Variants in TNR observed in about 807,000 individuals in gnomAD.
TNR encodes tenascin-R.
In TNR, 45 loss-of-function variants were observed where a neutral mutation model predicts 150.4. That is an observed-to-expected ratio of 0.30 (90% CI 0.24 to 0.38). The LOEUF is 0.38. Ranked by LOEUF, TNR falls within the 10% of genes least tolerant of loss-of-function variation. The pLI is 1.00. For synonymous variants in TNR, 687 were observed against 678.4 expected, an observed-to-expected ratio of 1.01 and a Z score of -0.20; for missense variants, 1,544 against 1,759.1, an observed-to-expected ratio of 0.88 and a Z score of 2.19.
At chr1:175,468,223 G>T (rs1657118574) in intron 2 of TNR, among the ~76,000 whole-genome samples, 1 of 152,194 alleles carries the variant, frequency 6.6e-6, no homozygotes, top group South Asian at 2.1e-4. Flanking sequence ...AAGGGCATGG[G>T]ATGGAGTGTA....
chr1:175,370,008 T>G (rs1167503691), intron 9 of TNR, among the ~76,000 whole-genome samples: 2 of 152,208 alleles, frequency 1.3e-5, no homozygotes, highest in Non-Finnish European at 2.9e-5. Flanking sequence ...CTTTTTTCTC[T>G]TCTTAAACCA....
At chr1:175,434,477 CT>C (rs1655410234) in intron 2 of TNR, among the ~76,000 whole-genome samples, 1 of 152,184 alleles carries the variant, frequency 6.6e-6, no homozygotes, top group African/African-American at 2.4e-5. Flanking sequence ...GCCTGTAACA[CT>C]GTGACCTTCC....
intron 9 of TNR, among the ~76,000 whole-genome samples, chr1:175,374,406 T>A (rs1652272370): frequency 6.6e-6 from 1 of 152,054 alleles, no homozygotes; most frequent in South Asian, 2.1e-4. Context: ...AAGTGTAGTG[T>A]GTACGTATGA....
chr1:175,706,280 G>A (rs1161562545), intron 1 of TNR, among the ~76,000 whole-genome samples: 1 of 151,988 alleles, frequency 6.6e-6, no homozygotes, highest in Non-Finnish European at 1.5e-5. Flanking sequence ...GTCAAGCCTG[G>A]GTGCAAAGGA....
intron 2 of TNR, among the ~76,000 whole-genome samples, chr1:175,414,670 C>A (rs1654356168): frequency 6.6e-6 from 1 of 152,130 alleles, no homozygotes; most frequent in Non-Finnish European, 1.5e-5. Flanking sequence ...GGTGCTCACT[C>A]CCCTCTAGGG....
At chr1:175,427,682 C>CTTCCTTCA (rs1263306366) in intron 2 of TNR, among the ~76,000 whole-genome samples, 15 of 136,784 alleles carry the variant, frequency 1.1e-4, no homozygotes, top group Non-Finnish European at 2.0e-4. Flanking sequence ...TCCTTCCTTC[C>CTTCCTTCA]TTCCTTCCTT....
chr1:175,690,250 A>G (rs1160983013), intron 1 of TNR, among the ~76,000 whole-genome samples: 1 of 152,228 alleles, frequency 6.6e-6, no homozygotes, highest in Non-Finnish European at 1.5e-5. Flanking sequence ...ATAGGCTCTG[A>G]AGTACTGAAG....
At position 175,331,095 on chromosome 1, in the gene TNR, T is replaced by TTCTTTCTTTCTC. The variant is rs1557868199; in HGVS notation, c.3632-861_3632-860insGAGAAAGAAAGA. Reference sequence around the variant, plus strand: ...TTTCTTTCCTTCTTTCTTTCTTTCTTTCTTTCTCTCTCTCTTTCTTTTCTT... The same window carrying TTCTTTCTTTCTC: ...TTTCTTTCCTTCTTTCTTTCTTTCTTTCTTTCTTTCTCTCTTTCTCTCTCTCTTTCTTTTCTT... On this transcript the variant is annotated intron_variant, in intron 20 of 22. Coordinates refer to ENST00000367674, the MANE Select transcript of TNR (RefSeq NM_003285.3). Among the ~76,000 whole-genome samples, 27 of 132,124 alleles carry TTCTTTCTTTCTC rather than the reference T, an allele frequency of 2.0e-4. 2 individuals carry two copies. Among genetic ancestry groups the TTCTTTCTTTCTC allele is most frequent in the South Asian group, 4.6e-4 (2 of 4,318 alleles). 86.7% of individuals were successfully genotyped at this position (132,124 alleles called of 152,430 possible).
At chr1:175,654,856 C>CT (rs1418404773) in intron 1 of TNR, among the ~76,000 whole-genome samples, 1 of 151,288 alleles carries the variant, frequency 6.6e-6, no homozygotes, top group Admixed American at 6.6e-5. Flanking sequence ...GTAGCTGGGA[C>CT]TACAGGCACC....
chr1:175,479,140 A>G (rs1657671096), intron 2 of TNR, among the ~76,000 whole-genome samples: 1 of 152,340 alleles, frequency 6.6e-6, no homozygotes, highest in Non-Finnish European at 1.5e-5. Context: ...GATTCAAACC[A>G]TGGGAAATTT....
intron 1 of TNR, among the ~76,000 whole-genome samples, chr1:175,576,761 T>C (rs1662128438): frequency 6.6e-6 from 1 of 152,234 alleles, no homozygotes; most frequent in Admixed American, 6.5e-5. Flanking sequence ...TACTTCATTT[T>C]TGAGACACTA....
At chr1:175,682,307 T>C (rs1448148674) in intron 1 of TNR, among the ~76,000 whole-genome samples, 1 of 152,178 alleles carries the variant, frequency 6.6e-6, no homozygotes, top group African/African-American at 2.4e-5. Flanking sequence ...CTTACATGCA[T>C]AAGCTCCTAA....
At chr1:175,700,806 A>G (rs1666670660) in intron 1 of TNR, among the ~76,000 whole-genome samples, 1 of 152,100 alleles carries the variant, frequency 6.6e-6, no homozygotes, top group East Asian at 1.9e-4. Context: ...TCTTCCATCC[A>G]TTTGGCATTC....
At chr1:175,445,146 T>G (rs1405831085) in intron 2 of TNR, among the ~76,000 whole-genome samples, 1 of 152,124 alleles carries the variant, frequency 6.6e-6, no homozygotes, top group Non-Finnish European at 1.5e-5. Context: ...GGCAGGCACC[T>G]GTAGTCCCAG....
intron 1 of TNR, among the ~76,000 whole-genome samples, chr1:175,730,357 C>T (rs1240816345): frequency 6.6e-6 from 1 of 152,192 alleles, no homozygotes; most frequent in East Asian, 1.9e-4. Flanking sequence ...CTTGACTCCA[C>T]TCCTACCTGA....
intron 1 of TNR, among the ~76,000 whole-genome samples, chr1:175,574,273 C>T (rs1329880136): frequency 6.6e-6 from 1 of 152,206 alleles, no homozygotes; most frequent in East Asian, 1.9e-4. Flanking sequence ...TCTCCTTTCT[C>T]CCCACCCTGG....
intron 1 of TNR, among the ~76,000 whole-genome samples, chr1:175,731,644 C>T (rs1308851726): frequency 1.3e-5 from 2 of 152,144 alleles, no homozygotes; most frequent in Admixed American, 6.5e-5. Flanking sequence ...GGAGGCACGG[C>T]GGGCAGAGCC....
chr1:175,711,590 G>T (rs926190506), intron 1 of TNR, among the ~76,000 whole-genome samples: 4 of 152,218 alleles, frequency 2.6e-5, no homozygotes, highest in African/African-American at 7.2e-5. Context: ...AGCCACAAAG[G>T]GTGAGGGCAG....
intron 20 of TNR, among the ~76,000 whole-genome samples, chr1:175,331,025 C>CTT (rs1268272873): frequency 1.5e-4 from 10 of 66,736 alleles, no homozygotes; most frequent in Admixed American, 3.9e-4. Context: ...TTCTTTCTTT[C>CTT]TTTCTTTCTT....
Sources: allele counts gnomAD v4.1 joint callset (sites outside exome capture counted in the v4.1 genomes callset), GRCh38; gene constraint gnomAD v4.1.1; transcripts MANE v1.5; gene names NCBI Gene and HGNC (gene_info 2026-07-23, HGNC 2026-07-21).